The following DENND1B variants were observed in gnomAD, a reference collection of about 807,000 sequenced individuals.
DENND1B encodes the protein DENN domain-containing protein 1B.
In DENND1B, 59 loss-of-function variants were observed where a neutral mutation model predicts 90.1. The ratio of observed to expected loss-of-function variants is 0.65; its 90% confidence interval spans 0.53 to 0.81. The LOEUF is 0.81. Ranked by LOEUF, DENND1B falls within the 40% of genes least tolerant of loss-of-function variation. The pLI, the probability that DENND1B is intolerant of heterozygous loss-of-function variation, is 0.00. For missense variants in DENND1B, 862 were observed against 912.6 expected, an observed-to-expected ratio of 0.94 and a Z score of 0.71; for synonymous variants, 337 against 324.6, an observed-to-expected ratio of 1.04 and a Z score of -0.41.
chr1:197,709,786 G>A (rs1337547985), intron 3 of DENND1B, among the ~76,000 whole-genome samples: 1 of 137,824 alleles, frequency 7.3e-6, no homozygotes, highest in Non-Finnish European at 1.5e-5. Flanking sequence ...AGACTGGCAA[G>A]TTGGATAAAG....
intron 2 of DENND1B, among the ~76,000 whole-genome samples, chr1:197,771,179 T>A (rs565456729): frequency 4.1e-4 from 62 of 152,238 alleles, no homozygotes; most frequent in African/African-American, 1.4e-3. Flanking sequence ...CCAAAAGTGC[T>A]GGGATTATAG....
intron 3 of DENND1B, among the ~76,000 whole-genome samples, chr1:197,691,248 A>G (rs1657839778): frequency 6.6e-6 from 1 of 151,458 alleles, no homozygotes; most frequent in African/African-American, 2.4e-5. Context: ...AGGAACTCCT[A>G]TAACTTAACA....
chr1:197,658,529 A>C (rs1156812041), intron 5 of DENND1B, among the ~76,000 whole-genome samples, 160 bp from the exon 6 acceptor site: 1 of 151,966 alleles, frequency 6.6e-6, no homozygotes, highest in East Asian at 1.9e-4. Flanking sequence ...TTTACATATT[A>C]TTTATTACTA....
At chr1:197,707,483 A>T (rs1659667286) in intron 3 of DENND1B, among the ~76,000 whole-genome samples, 1 of 151,490 alleles carries the variant, frequency 6.6e-6, no homozygotes, top group Non-Finnish European at 1.5e-5. Flanking sequence ...GATTACCCTG[A>T]TTTGATCATT....
chr1:197,596,060 C>G (rs566293212), intron 13 of DENND1B, among the ~76,000 whole-genome samples: 1 of 152,020 alleles, frequency 6.6e-6, no homozygotes, highest in African/African-American at 2.4e-5. Context: ...CAGTTTTTTC[C>G]ACTACCACAT....
chr1:197,725,365 T>C (rs1394320796), intron 2 of DENND1B, among the ~76,000 whole-genome samples: 1 of 152,068 alleles, frequency 6.6e-6, no homozygotes, highest in Non-Finnish European at 1.5e-5. Context: ...ATAAATACAT[T>C]TTCAGAAAGA....
At chr1:197,545,703 T>C (rs998669865) in intron 18 of DENND1B, 24 of 432,812 alleles carry the variant, frequency 5.5e-5, no homozygotes, top group African/African-American at 8.3e-5. Flanking sequence ...AGCTTTGGAA[T>C]AAAATGAGAA....
chr1:197,625,259 A>G (rs2125880940), intron 10 of DENND1B, among the ~76,000 whole-genome samples: 1 of 152,250 alleles, frequency 6.6e-6, no homozygotes, highest in African/African-American at 2.4e-5. Flanking sequence ...AAGGGCAGCC[A>G]GAGAGAAAGG....
At chr1:197,735,653 C>T (rs774558729) in intron 2 of DENND1B, 21 of 1,613,968 alleles carry the variant, frequency 1.3e-5, no homozygotes, top group East Asian at 2.2e-5. Flanking sequence ...TCGAGCTATG[C>T]GGTTTCAGCC....
In DENND1B at chr1:197,578,275, T is replaced by G. The variant is rs368708541; in HGVS notation, c.1149+4877A>C. On this transcript the variant is annotated intron_variant, in intron 15 of 22. Coordinates refer to ENST00000620048, the MANE Select transcript of DENND1B (RefSeq NM_001195215.2). The stretch of plus-strand genomic sequence containing the variant: ...TTGTTGTTTCTTTGAGATGGAGTCT[T>G]GCTCTGTTGCCCAGGCTGGAGTGCA... 1.6e-4 allele frequency among the ~76,000 whole-genome samples: 25 copies of G among 152,206 alleles called. No homozygotes were observed. The East Asian group carries it at 3.9e-3, about 24-fold the overall frequency.
chr1:197,541,160 C>T (rs1339876359), intron 18 of DENND1B, 145 bp from the exon 19 acceptor site: 2 of 734,170 alleles, frequency 2.7e-6, no homozygotes, highest in Non-Finnish European at 4.5e-6. Flanking sequence ...ATTCTATTTT[C>T]AGGGATACGC....
At chr1:197,777,112 C>T (rs552296608), upstream of DENND1B, among the ~76,000 whole-genome samples, 8 of 151,838 alleles carry the variant, frequency 5.3e-5, no homozygotes, top group African/African-American at 7.2e-5. Context: ...AAAAAAAATT[C>T]GTAAGCTAAA....
chr1:197,735,509 G>C, intron 2 of DENND1B: 1 of 1,601,108 alleles, frequency 6.2e-7, no homozygotes, highest in Non-Finnish European at 8.5e-7. Flanking sequence ...AACAGTTTAT[G>C]TTTACTTTAG....
At chr1:197,644,222 G>A (rs1680533855) in intron 9 of DENND1B, among the ~76,000 whole-genome samples, 1 of 152,116 alleles carries the variant, frequency 6.6e-6, no homozygotes, top group Admixed American at 6.6e-5. Context: ...TTTAGATGGG[G>A]AATTATTTCT....
intron 2 of DENND1B, among the ~76,000 whole-genome samples, chr1:197,726,845 T>C (rs1571518149): frequency 1.3e-5 from 2 of 152,338 alleles, no homozygotes; most frequent in South Asian, 2.1e-4. Flanking sequence ...TAAGGACTTG[T>C]GGGGAACACC....
At chr1:197,624,272 T>C (rs1572100956) in intron 10 of DENND1B, among the ~76,000 whole-genome samples, 1 of 151,588 alleles carries the variant, frequency 6.6e-6, no homozygotes, top group African/African-American at 2.4e-5. Context: ...CCCACATAAA[T>C]ATAATCAACT....
chr1:197,708,179 T>C (rs1218019827), intron 3 of DENND1B, among the ~76,000 whole-genome samples: 1 of 94,202 alleles, frequency 1.1e-5, no homozygotes, highest in Non-Finnish European at 2.1e-5. Flanking sequence ...CCAGGCTTGC[T>C]TAGGTAAACA....
At chr1:197,667,479 G>C (rs1391328481) in intron 5 of DENND1B, among the ~76,000 whole-genome samples, 1 of 151,866 alleles carries the variant, frequency 6.6e-6, no homozygotes, top group African/African-American at 2.4e-5. Context: ...TGCCAGGCCA[G>C]AGTACAGTGG....
rs1382429279 is a variant in DENND1B at position 197,629,177 on chromosome 1, G to C, written c.673-11418C>G. Among the ~76,000 whole-genome samples the C allele has an allele frequency of 6.7e-4, 102 of 152,134 alleles. No homozygotes were observed. The East Asian group carries it at 0.02, about 30-fold the overall frequency. On this transcript the variant is annotated intron_variant, in intron 10 of 22. Coordinates refer to ENST00000620048, the MANE Select transcript of DENND1B (RefSeq NM_001195215.2). ...TTTGACCCAGCCATCCCATTACTGGGTATATACCCAAAGGATTATAAATCA... is the reference window on the plus strand; with the variant it reads ...TTTGACCCAGCCATCCCATTACTGGCTATATACCCAAAGGATTATAAATCA...
Sources: allele counts gnomAD v4.1 joint callset (sites outside exome capture counted in the v4.1 genomes callset), GRCh38; gene constraint gnomAD v4.1.1; transcripts MANE v1.5; gene names NCBI Gene and HGNC (gene_info 2026-07-23, HGNC 2026-07-21).